Variants in RNLS observed in about 807,000 individuals in gnomAD.
RNLS encodes the protein renalase.
A neutral mutation model predicts 39.8 loss-of-function variants in RNLS; 39 were observed. The observed-to-expected ratio is 0.98, with a 90% CI of 0.76 to 1.28. The LOEUF (loss-of-function observed/expected upper bound fraction) is 1.28, where lower values mean the gene tolerates loss of function less well. Among genes scored for constraint, RNLS ranks in the 50% most tolerant of loss-of-function variants. The pLI, the probability that RNLS is intolerant of heterozygous loss-of-function variation, is 0.00. For missense variants in RNLS, 410 were observed against 413.3 expected (o/e 0.99, Z 0.07); for synonymous variants, 147 against 150.7 (o/e 0.98, Z 0.18).
chr10:88,190,863 G>A, the RNLS span, among the ~76,000 whole-genome samples: 1 of 152,158 alleles, frequency 6.6e-6, no homozygotes, highest in African/African-American at 2.4e-5. Flanking sequence ...GCCATATTTT[G>A]TGCAGCCATC....
chr10:88,437,915 T>C (rs1291923856), intron 4 of RNLS, among the ~76,000 whole-genome samples: 1 of 151,812 alleles, frequency 6.6e-6, no homozygotes, highest in Non-Finnish European at 1.5e-5. Flanking sequence ...TCACCTGAGG[T>C]TGGGAGTTCG....
At chr10:88,382,304 G>A (rs1288964356) in intron 4 of RNLS, among the ~76,000 whole-genome samples, 1 of 152,028 alleles carries the variant, frequency 6.6e-6, no homozygotes, top group Non-Finnish European at 1.5e-5. Flanking sequence ...TGTGTCTATT[G>A]TGCATGACAC....
At chr10:88,225,531 T>G in the RNLS span, among the ~76,000 whole-genome samples, 4 of 151,886 alleles carry the variant, frequency 2.6e-5, no homozygotes, top group African/African-American at 7.3e-5. Context: ...CTGGGCAACA[T>G]AGCGAGACCT....
intron 4 of RNLS, among the ~76,000 whole-genome samples, chr10:88,404,106 T>C (rs938806307): frequency 2.6e-5 from 4 of 152,078 alleles, no homozygotes; most frequent in African/African-American, 9.7e-5. Flanking sequence ...TATTTACTGA[T>C]AAGATTGTGG....
the RNLS span, among the ~76,000 whole-genome samples, chr10:88,252,056 A>T: frequency 6.6e-6 from 1 of 152,204 alleles, no homozygotes; most frequent in Non-Finnish European, 1.5e-5. Flanking sequence ...GAAGAGATAA[A>T]GTTGCTGGTC....
rs373921970 is a variant in RNLS, at chr10:88,460,608, T to C, written c.527-97883A>G. Among the ~76,000 whole-genome samples the C allele has an allele frequency of 5.0e-4, 76 of 152,264 alleles. No individual in the cohort carries two copies. In the East Asian group the frequency reaches 8.5e-3, roughly 17 times the overall value. ...CCTCCGTGAAAGACAAGAGCATTCC[T>C]ATATTGCTCATGTTCTATGCCTACT... is the stretch of plus-strand genomic sequence containing the variant. On this transcript the variant is annotated intron_variant, in intron 4 of 6. Coordinates refer to ENST00000331772, the MANE Select transcript of RNLS (RefSeq NM_001031709.3).
chr10:88,402,304 C>T (rs1378307206), intron 4 of RNLS, among the ~76,000 whole-genome samples: 5 of 151,752 alleles, frequency 3.3e-5, no homozygotes, highest in African/African-American at 1.2e-4. Context: ...TGAAAGTATG[C>T]CAGAGAGACA....
Position 88,284,474 on chromosome 10 carries a change from C to T in RNLS, c.*880G>A, listed in dbSNP as rs1589454675. Reference sequence around the variant, plus strand: ...TGTGGGTGATATGCTGAACCACCAACTTGGCAAATATTGAACTATTTTAAG... The same window carrying T: ...TGTGGGTGATATGCTGAACCACCAATTTGGCAAATATTGAACTATTTTAAG... On this transcript the variant is annotated 3_prime_UTR_variant, in exon 7 of 7. Transcript: ENST00000331772. The T allele has an allele frequency of 1.0e-6, 1 of 985,192 alleles. No homozygotes were observed. Among genetic ancestry groups the T allele is most frequent in the South Asian group, 4.7e-5 (1 of 21,282 alleles). 61.0% of individuals were successfully genotyped at this position (985,192 alleles called of 1,614,324 possible). A position where few individuals can be genotyped will look rare whatever the true frequency, so the allele number is the denominator to read the frequency against.
At chr10:88,223,678 G>A in the RNLS span, among the ~76,000 whole-genome samples, 1 of 152,152 alleles carries the variant, frequency 6.6e-6, no homozygotes, top group African/African-American at 2.4e-5. Flanking sequence ...CTTCTTCACT[G>A]TAGAGATAGA....
chr10:88,489,962 T>TCCATTGTA (rs1844792192), intron 4 of RNLS, among the ~76,000 whole-genome samples: 1 of 152,180 alleles, frequency 6.6e-6, no homozygotes, highest in Non-Finnish European at 1.5e-5. Flanking sequence ...TAGAAGGCTG[T>TCCATTGTA]CCATTGTATG....
chr10:88,469,214 A>ATG (rs1327623850), intron 4 of RNLS, among the ~76,000 whole-genome samples: 1 of 152,126 alleles, frequency 6.6e-6, no homozygotes, highest in Non-Finnish European at 1.5e-5. Flanking sequence ...CACTCAAATA[A>ATG]TGTGATTCAT....
chr10:88,492,480 G>A (rs2477955), intron 4 of RNLS, among the ~76,000 whole-genome samples: 69,861 of 147,354 alleles, frequency 0.47, 17,244 homozygotes, highest in Middle Eastern at 0.58. Context: ...GTGCAGTGGC[G>A]TGATCTAGGC....
downstream of RNLS, among the ~76,000 whole-genome samples, chr10:88,271,979 T>C (rs1363569597): frequency 6.6e-6 from 1 of 152,290 alleles, no homozygotes; most frequent in African/African-American, 2.4e-5. Flanking sequence ...GACTTTACCA[T>C]CTGTGCAAGA....
intron 4 of RNLS, among the ~76,000 whole-genome samples, chr10:88,502,908 T>A (rs1365780786): frequency 6.6e-6 from 1 of 152,178 alleles, no homozygotes; most frequent in African/African-American, 2.4e-5. Context: ...GAGAGAAGTT[T>A]TTTTTTCTTT....
intron 4 of RNLS, among the ~76,000 whole-genome samples, chr10:88,526,627 T>C (rs374688483): frequency 6.6e-6 from 1 of 151,904 alleles, no homozygotes; most frequent in Non-Finnish European, 1.5e-5. Flanking sequence ...TAGCCAGGCA[T>C]AGTGGTTCAT....
the RNLS span, among the ~76,000 whole-genome samples, chr10:88,246,071 G>A: frequency 1.4e-4 from 21 of 152,306 alleles, no homozygotes; most frequent in Middle Eastern, 6.8e-3. Flanking sequence ...AGCTAATAGC[G>A]TGCCTCTGTG....
chr10:88,393,774 G>A (rs958427318), intron 4 of RNLS, among the ~76,000 whole-genome samples: 4 of 152,270 alleles, frequency 2.6e-5, no homozygotes, highest in East Asian at 3.9e-4. Context: ...GAGGCATCAC[G>A]CTACCTGACT....
At chr10:88,469,813 ATGTGTGTGCGTGTGTGTG>A (rs1843407645) in intron 4 of RNLS, among the ~76,000 whole-genome samples, 2 of 128,120 alleles carry the variant, frequency 1.6e-5, no homozygotes, top group South Asian at 5.5e-4. Context: ...CAATATTTTT[ATGTGTGTGCGTGTGTGTG>A]TGTGTGTGTG....
At chr10:88,395,227 T>A in intron 4 of RNLS, among the ~76,000 whole-genome samples, 2 of 109,986 alleles carry the variant, frequency 1.8e-5, no homozygotes, top group Admixed American at 1.1e-4. Flanking sequence ...ATCAAGAACT[T>A]TAAAAGATGA....
Sources: gnomAD v4.1 joint callset for allele counts (sites outside exome capture counted in the v4.1 genomes callset) on GRCh38, gnomAD v4.1.1 for gene constraint, MANE v1.5 for transcripts, NCBI Gene and HGNC (gene_info 2026-07-23, HGNC 2026-07-21) for gene names.